Variants in HTR1F observed in about 807,000 individuals in gnomAD.
The protein encoded by HTR1F is 5-hydroxytryptamine receptor 1F.
HTR1F carries 17 observed loss-of-function variants against 24.0 expected under a neutral mutation model. The ratio of observed to expected loss-of-function variants is 0.71; its 90% CI spans 0.48 to 1.06. The LOEUF is 1.06. HTR1F is among the 50% of genes least tolerant of loss of function. HTR1F has a pLI of 0.00. For missense variants in HTR1F, 391 were observed against 427.8 expected (o/e 0.91, Z 0.76); for synonymous variants, 186 against 156.8 (o/e 1.19, Z -1.39).
At chr3:87,865,125 C>T (rs1335840585) in intron 2 of HTR1F, among the ~76,000 whole-genome samples, 5 of 151,924 alleles carry the variant, frequency 3.3e-5, no homozygotes, top group East Asian at 1.9e-4. Flanking sequence ...ATACAGAAGC[C>T]TTGATATTCA....
chr3:87,860,685 A>G (rs1705299194), intron 2 of HTR1F, among the ~76,000 whole-genome samples: 1 of 152,190 alleles, frequency 6.6e-6, no homozygotes. Flanking sequence ...AGAAAAGTAC[A>G]TTGAATTCAT....
chr3:87,869,144 A>T (rs1465939286), intron 2 of HTR1F, among the ~76,000 whole-genome samples: 1 of 152,058 alleles, frequency 6.6e-6, no homozygotes, highest in Non-Finnish European at 1.5e-5. Flanking sequence ...ATTTTTCTGC[A>T]TACAACAACA....
chr3:87,874,524 A>G (rs1290770751), intron 2 of HTR1F, among the ~76,000 whole-genome samples: 1 of 152,102 alleles, frequency 6.6e-6, no homozygotes, highest in Non-Finnish European at 1.5e-5. Flanking sequence ...TCTCACACTC[A>G]TGAATTAAAA....
intron 2 of HTR1F, among the ~76,000 whole-genome samples, chr3:87,957,523 A>C (rs1238835622): frequency 6.6e-6 from 1 of 151,366 alleles, no homozygotes; most frequent in Non-Finnish European, 1.5e-5. Context: ...ATTTGTATTA[A>C]ATTTATATTG....
At chr3:87,925,693 G>T (rs1443845464) in intron 2 of HTR1F, among the ~76,000 whole-genome samples, 1 of 152,114 alleles carries the variant, frequency 6.6e-6, no homozygotes, top group African/African-American at 2.4e-5. Flanking sequence ...CAGCCACTTG[G>T]ACTCCAGGGA....
intron 2 of HTR1F, among the ~76,000 whole-genome samples, chr3:87,908,808 G>T (rs1262402001): frequency 4.6e-5 from 7 of 152,040 alleles, no homozygotes; most frequent in African/African-American, 1.7e-4. Context: ...CTATTTCTCA[G>T]TGAAAGTGTC....
intron 2 of HTR1F, among the ~76,000 whole-genome samples, chr3:87,871,676 T>G (rs1263688986): frequency 1.3e-5 from 2 of 151,930 alleles, no homozygotes; most frequent in African/African-American, 4.8e-5. Flanking sequence ...AGAAAGCAAC[T>G]CATGACATAT....
chr3:87,825,209 T>A (rs1294384368), intron 2 of HTR1F, among the ~76,000 whole-genome samples: 1 of 152,210 alleles, frequency 6.6e-6, no homozygotes, highest in South Asian at 2.1e-4. Flanking sequence ...AAGAGTAGTG[T>A]CTGTTTCAGA....
intron 2 of HTR1F, among the ~76,000 whole-genome samples, chr3:87,878,239 T>C (rs1204981790): frequency 6.6e-6 from 1 of 152,116 alleles, no homozygotes; most frequent in Admixed American, 6.6e-5. Flanking sequence ...CTTCAGACCA[T>C]TTATGAACCA....
Position 87,929,081 on chromosome 3 carries a change from T to A in HTR1F, c.-42-61627T>A, listed in dbSNP as rs562339520. Among the ~76,000 whole-genome samples, 38 of 152,298 alleles carry A rather than the reference T, an allele frequency of 2.5e-4. No individual in the cohort carries two copies. The South Asian group carries it at 7.9e-3, about 32-fold the overall frequency. ...GGATATAAAGTATGACAGATTTACA[T>A]TTGATGAGTAAGAAATTAAGTCTAA... On this transcript the variant is annotated intron_variant, in intron 2 of 2. Coordinates refer to ENST00000319595, the MANE Select transcript of HTR1F (RefSeq NM_001322209.2).
At chr3:87,972,627 T>C (rs1389782509) in intron 2 of HTR1F, among the ~76,000 whole-genome samples, 1 of 152,158 alleles carries the variant, frequency 6.6e-6, no homozygotes, top group Non-Finnish European at 1.5e-5. Context: ...CCCTATATTC[T>C]TTTCAATCCC....
chr3:87,975,362 A>C (rs1483965756), intron 2 of HTR1F, among the ~76,000 whole-genome samples: 1 of 152,156 alleles, frequency 6.6e-6, no homozygotes, highest in Non-Finnish European at 1.5e-5. Context: ...AAAATCTTGG[A>C]GAATTGATAC....
At chr3:87,883,374 G>A (rs1165136219) in intron 2 of HTR1F, among the ~76,000 whole-genome samples, 1 of 152,140 alleles carries the variant, frequency 6.6e-6, no homozygotes, top group Non-Finnish European at 1.5e-5. Context: ...AGAAACCAGA[G>A]CAGAAAAGCT....
At chr3:87,923,027 C>T (rs1704045075) in intron 2 of HTR1F, among the ~76,000 whole-genome samples, 1 of 151,742 alleles carries the variant, frequency 6.6e-6, no homozygotes, top group Non-Finnish European at 1.5e-5. Flanking sequence ...TAAGACTGTC[C>T]CATCCCCAGT....
chr3:87,899,428 A>G (rs1393838748), intron 2 of HTR1F, among the ~76,000 whole-genome samples: 1 of 152,220 alleles, frequency 6.6e-6, no homozygotes, highest in Non-Finnish European at 1.5e-5. Flanking sequence ...TAATATGGAA[A>G]CCAGCTAAAT....
chr3:87,945,339 T>C (rs1298079638), intron 2 of HTR1F, among the ~76,000 whole-genome samples: 1 of 152,048 alleles, frequency 6.6e-6, no homozygotes, highest in Non-Finnish European at 1.5e-5. Context: ...GAGATACAAC[T>C]TGCTAGAGGA....
chr3:87,862,011 C>T (rs1705329799), intron 2 of HTR1F, among the ~76,000 whole-genome samples: 1 of 152,016 alleles, frequency 6.6e-6, no homozygotes, highest in Non-Finnish European at 1.5e-5. Flanking sequence ...AATGTTATAA[C>T]TTTTCTCTAA....
intron 2 of HTR1F, among the ~76,000 whole-genome samples, chr3:87,841,900 C>CAAAA (rs1463648976): frequency 1.7e-5 from 1 of 57,488 alleles, no homozygotes; most frequent in African/African-American, 5.7e-5. Flanking sequence ...GATTCTGTCT[C>CAAAA]AAAAAAAAAA....
At chr3:87,933,484 C>A (rs1704335372) in intron 2 of HTR1F, among the ~76,000 whole-genome samples, 1 of 152,182 alleles carries the variant, frequency 6.6e-6, no homozygotes, top group South Asian at 2.1e-4. Context: ...TCTCCTTAAG[C>A]TGATAAGCAA....
Sources: gnomAD v4.1 joint callset for allele counts (sites outside exome capture counted in the v4.1 genomes callset) on GRCh38, gnomAD v4.1.1 for gene constraint, MANE v1.5 for transcripts, NCBI Gene and HGNC (gene_info 2026-07-23, HGNC 2026-07-21) for gene names.